The following HS3ST4 variants were observed in gnomAD, a reference collection of about 807,000 sequenced individuals.
The protein encoded by HS3ST4 is heparan sulfate-glucosamine 3-sulfotransferase 4.
In HS3ST4, 17 loss-of-function variants were observed where a neutral mutation model predicts 29.2. That is an observed-to-expected ratio of 0.58 (90% CI 0.40 to 0.87). HS3ST4 has a LOEUF of 0.87. HS3ST4 is among the 40% of genes least tolerant of loss of function. The pLI is 0.00. For synonymous variants in HS3ST4, 314 were observed against 285.7 expected, an observed-to-expected ratio of 1.10 and a Z score of -1.00; for missense variants, 627 against 634.5, an observed-to-expected ratio of 0.99 and a Z score of 0.13.
intron 1 of HS3ST4, among the ~76,000 whole-genome samples, chr16:25,746,149 G>A (rs1020288713): frequency 6.6e-6 from 1 of 152,216 alleles, no homozygotes; most frequent in Non-Finnish European, 1.5e-5. Context: ...CTGAAGGTCA[G>A]CACCTATTCC....
At chr16:25,836,599 C>G (rs1334124133) in intron 1 of HS3ST4, among the ~76,000 whole-genome samples, 1 of 152,152 alleles carries the variant, frequency 6.6e-6, no homozygotes, top group Admixed American at 6.5e-5. Flanking sequence ...TAAATCCACC[C>G]GTTTGACAAT....
At chr16:26,125,508 T>C (rs1472269065) in intron 1 of HS3ST4, among the ~76,000 whole-genome samples, 1 of 152,212 alleles carries the variant, frequency 6.6e-6, no homozygotes, top group Admixed American at 6.5e-5. Context: ...ATAGCCCCGC[T>C]CCTAACAGGA....
chr16:25,870,214 A>G (rs1210764928), intron 1 of HS3ST4, among the ~76,000 whole-genome samples: 1 of 151,944 alleles, frequency 6.6e-6, no homozygotes, highest in African/African-American at 2.4e-5. Context: ...CCATCCATCC[A>G]TCCATCCATC....
chr16:25,975,928 G>A (rs532325967), intron 1 of HS3ST4, among the ~76,000 whole-genome samples: 8 of 152,208 alleles, frequency 5.3e-5, no homozygotes, highest in South Asian at 2.1e-4. Context: ...TTAATAGTAC[G>A]CTGGGATGCA....
chr16:25,747,407 G>T lies in HS3ST4; in HGVS notation c.734+54256G>T, dbSNP rs535765636. Among the ~76,000 whole-genome samples the T allele has an allele frequency of 3.9e-5, 6 of 152,320 alleles. No homozygotes were observed. The South Asian group carries it at 1.2e-3, about 32-fold the overall frequency. On this transcript the variant is annotated intron_variant, in intron 1 of 1. Coordinates refer to ENST00000331351, the MANE Select transcript of HS3ST4 (RefSeq NM_006040.3). Reference sequence around the variant, plus strand: ...TTTTGCTTTTGCTACCAAACCAAATGGTCCAGCCCTTTGGTTTGTCTCCAT... The same window carrying T: ...TTTTGCTTTTGCTACCAAACCAAATTGTCCAGCCCTTTGGTTTGTCTCCAT...
At chr16:25,830,061 G>A (rs1028703994) in intron 1 of HS3ST4, among the ~76,000 whole-genome samples, 1 of 152,068 alleles carries the variant, frequency 6.6e-6, no homozygotes, top group Non-Finnish European at 1.5e-5. Flanking sequence ...CTGAGTTCAG[G>A]CAATCCACCC....
intron 1 of HS3ST4, among the ~76,000 whole-genome samples, chr16:25,863,989 A>C (rs1451330435): frequency 6.6e-6 from 1 of 151,980 alleles, no homozygotes; most frequent in South Asian, 2.1e-4. Context: ...CTTAAGGTGC[A>C]GAGAGCCACC....
At chr16:25,808,726 T>C (rs1251044210) in intron 1 of HS3ST4, among the ~76,000 whole-genome samples, 2 of 152,200 alleles carry the variant, frequency 1.3e-5, no homozygotes, top group Non-Finnish European at 2.9e-5. Context: ...ACTGTGCTGC[T>C]GAGTCTTCCA....
intron 1 of HS3ST4, among the ~76,000 whole-genome samples, chr16:26,017,082 G>A (rs1463061261): frequency 6.6e-6 from 1 of 152,144 alleles, no homozygotes; most frequent in African/African-American, 2.4e-5. Context: ...CATGTGGCAC[G>A]AACAATAAAC....
chr16:25,828,242 C>CTTTTTCTATCTATCTTTCTTTCTTTCTT (rs1371928058), intron 1 of HS3ST4, among the ~76,000 whole-genome samples: 1 of 75,016 alleles, frequency 1.3e-5, no homozygotes, highest in Non-Finnish European at 2.5e-5. Flanking sequence ...TTCTTTCTTT[C>CTTTTTCTATCTATCTTTCTTTCTTTCTT]TCTTTCTTTC....
At chr16:25,861,594 C>T (rs1567258181) in intron 1 of HS3ST4, among the ~76,000 whole-genome samples, 2 of 152,186 alleles carry the variant, frequency 1.3e-5, no homozygotes, top group East Asian at 3.9e-4. Context: ...GAGAGTAATG[C>T]AACATACAGG....
intron 1 of HS3ST4, among the ~76,000 whole-genome samples, chr16:26,010,469 A>C (rs1969300163): frequency 6.6e-6 from 1 of 150,622 alleles, no homozygotes; most frequent in African/African-American, 2.5e-5. Flanking sequence ...AAGAAAAAAA[A>C]GGAAAAAGAA....
intron 1 of HS3ST4, among the ~76,000 whole-genome samples, chr16:25,793,579 C>T (rs1005986074): frequency 1.4e-4 from 21 of 151,934 alleles, no homozygotes; most frequent in African/African-American, 4.6e-4. Flanking sequence ...TACTTTGCTG[C>T]ATATTAGTAT....
At chr16:25,757,323 T>C (rs1236538627) in intron 1 of HS3ST4, among the ~76,000 whole-genome samples, 1 of 152,156 alleles carries the variant, frequency 6.6e-6, no homozygotes. Flanking sequence ...TTAAAAACCT[T>C]GGTTCAAGTT....
intron 1 of HS3ST4, among the ~76,000 whole-genome samples, chr16:25,820,711 A>C (rs1967145202): frequency 6.6e-6 from 1 of 152,120 alleles, no homozygotes; most frequent in African/African-American, 2.4e-5. Context: ...CTAGGACTAC[A>C]AGCAAGCACC....
intron 1 of HS3ST4, among the ~76,000 whole-genome samples, chr16:25,879,887 A>T (rs1967875807): frequency 6.6e-6 from 1 of 152,162 alleles, no homozygotes; most frequent in Non-Finnish European, 1.5e-5. Flanking sequence ...ACATCACAGC[A>T]GGCAAGAGAG....
intron 1 of HS3ST4, among the ~76,000 whole-genome samples, chr16:25,892,368 T>C (rs138975712): frequency 6.6e-6 from 1 of 152,296 alleles, no homozygotes; most frequent in Non-Finnish European, 1.5e-5. Context: ...ACACTTTCTT[T>C]CACTTTTTTC....
chr16:25,830,143 C>CTT (rs1316720388), intron 1 of HS3ST4, among the ~76,000 whole-genome samples: 1 of 152,130 alleles, frequency 6.6e-6, no homozygotes, highest in African/African-American at 2.4e-5. Flanking sequence ...ATTAAATGGG[C>CTT]TCTTCCACAT....
rs554121111 is a variant in HS3ST4 at position 26,052,885 on chromosome 16, C to T, written c.735-82727C>T. Among the ~76,000 whole-genome samples, 22 of 152,276 alleles carry T rather than the reference C, an allele frequency of 1.4e-4. No homozygotes were observed. The East Asian group carries it at 3.5e-3, about 24-fold the overall frequency. ...GACCTTTATCTCTGGAGATCATTCC[C>T]GGTTTAAGGTGGGGATTTCCAATTT... On this transcript the variant is annotated intron_variant, in intron 1 of 1. Transcript: ENST00000331351.
Sources: allele counts gnomAD v4.1 joint callset (sites outside exome capture counted in the v4.1 genomes callset), GRCh38; gene constraint gnomAD v4.1.1; transcripts MANE v1.5; gene names NCBI Gene and HGNC (gene_info 2026-07-23, HGNC 2026-07-21).